FIGNL1: variants seen among roughly 807,000 people sequenced by gnomAD.
FIGNL1 encodes fidgetin-like protein 1.
Under a neutral mutation model 28.9 loss-of-function variants are expected in FIGNL1, and 11 were observed. The ratio of observed to expected loss-of-function variants is 0.38; its 90% confidence interval spans 0.24 to 0.63. The LOEUF is 0.63. Among genes scored for constraint, FIGNL1 ranks in the 20% least tolerant of loss-of-function variants. The pLI, the probability that FIGNL1 is intolerant of heterozygous loss-of-function variation, is 0.57. For missense variants in FIGNL1, 789 were observed against 810.4 expected, an observed-to-expected ratio of 0.97 and a Z score of 0.32; for synonymous variants, 295 against 276.5, an observed-to-expected ratio of 1.07 and a Z score of -0.66.
Position 50,445,322 on chromosome 7 carries a change from A to G in FIGNL1, c.1966T>C (p.Ser656Pro). The change falls in exon 4 of 4, where the codon TCT becomes CCT. Residue 656 changes from serine (S) to proline (P), a missense_variant. Ser to Pro is a moderately conservative substitution (Grantham distance 74). Transcript: ENST00000433017. ...NAFRTVRPSV[S>P]PKDLELYENW... is the part of the protein sequence containing the mutation. ...TCATAAAGCTCTAAATCTTTTGGAG[A>G]AACACTAGGTCGCACAGTTCTAAAA... 6.3e-7 allele frequency: 1 copy of G among 1,595,706 alleles called. No homozygotes were observed.
In FIGNL1 at chr7:50,445,953, A is replaced by C. The variant is rs1820678238; in HGVS notation, c.1335T>G (p.Thr445=). The C allele has an allele frequency of 2.5e-6, 4 of 1,614,038 alleles. No homozygotes were observed. In the Admixed American group the frequency reaches 6.7e-5, roughly 27 times the overall value. The change falls in exon 4 of 4, where the codon ACT becomes ACG. Residue 445 remains threonine (T), a synonymous_variant. Transcript: ENST00000433017. ...KGILLFGPPG[T]GKTLIGKCIA... ...TGCACTTGCCAATTAGAGTTTTACC[A>C]GTCCCAGGAGGACCAAAGAGCAAAA...
In FIGNL1 at chr7:50,446,242, C is replaced by T. The variant is rs374195874; in HGVS notation, c.1046G>A (p.Gly349Glu). ...KFVPPIPKQDGGEQNGGMQCK... is the reference protein window; with the variant it reads ...KFVPPIPKQDEGEQNGGMQCK... ...TTGCATTCCTCCATTCTGCTCTCCC[C>T]CATCTTGCTTGGGTATAGGAGGAAC... Residue 349 changes from glycine to glutamate, a missense_variant, in exon 4 of 4, where the codon GGG (glycine) becomes GAG (glutamate). Gly to Glu is a moderately conservative substitution (Grantham distance 98, BLOSUM62 -2). Transcript: ENST00000433017. 1.2e-6 allele frequency: 2 copies of T among 1,614,172 alleles called. No homozygotes were observed. Among genetic ancestry groups the T allele is most frequent in the Admixed American group, 3.3e-5 (2 of 60,020 alleles).
chr7:50,444,438 T>G lies in FIGNL1; in HGVS notation c.*825A>C, dbSNP rs561385863. On this transcript the variant is annotated 3_prime_UTR_variant, in exon 4 of 4. Transcript: ENST00000433017. ...GTATAAAACAAAACATCTGGAAGAA[T>G]CTATGCTTAAATATTAATAGTGTGT... 6.6e-6 allele frequency: 1 copy of G among 152,364 alleles called. No individual in the cohort carries two copies. The highest frequency in any genetic ancestry group is 2.4e-5 in the African/African-American group (1 of 41,596). 9.4% of individuals were successfully genotyped at this position (152,364 alleles called of 1,614,324 possible). A position where few individuals can be genotyped will look rare whatever the true frequency, so the allele number is the denominator to read the frequency against.
Position 50,446,897 on chromosome 7 carries a change from C to A in FIGNL1, c.391G>T (p.Glu131Ter), listed in dbSNP as rs199623907. Residue 131 changes from glutamate to a stop codon, truncating the protein, a stop_gained, in exon 4 of 4, where the codon GAA becomes TAA. Transcript: ENST00000433017. LOFTEE classifies it low-confidence loss of function (END_TRUNC). ...AGKKFKDSLL[E>*]PALASVVIHK... ...ATTACCACTGATGCAAGAGCAGGTT[C>A]CAACAGAGAGTCTTTGAATTTTTTG... The A allele has an allele frequency of 2.5e-6, 4 of 1,614,192 alleles. No homozygotes were observed. Among genetic ancestry groups the A allele is most frequent in the Non-Finnish European group, 8.5e-7 (1 of 1,180,036 alleles).
Position 50,446,157 on chromosome 7 carries a change from C to T in FIGNL1, c.1131G>A (p.Lys377=). 1 of 1,614,212 alleles carries T rather than the reference C, an allele frequency of 6.2e-7. No homozygotes were observed. The highest frequency in any genetic ancestry group is 1.1e-5 in the South Asian group (1 of 91,080). ...GTTCAATCATCTTTGGCTCCAAGTT[C>T]TTCAGACGCTCATCAACTGGATGTG... is the stretch of plus-strand genomic sequence containing the variant. ...EPAHPVDERL[K]NLEPKMIELI... The change falls in exon 4 of 4, where the codon AAG becomes AAA. Residue 377 remains lysine (K), a synonymous_variant. Coordinates refer to ENST00000433017, the MANE Select transcript of FIGNL1 (RefSeq NM_001287492.4).
Position 50,446,288 on chromosome 7 carries a change from G to C in FIGNL1, c.1000C>G (p.Arg334Gly), listed in dbSNP as rs763712899. 2 of 1,614,110 alleles carry C rather than the reference G, an allele frequency of 1.2e-6. No homozygotes were observed. Reference protein sequence around the residue: ...VKKSLGASRSRGILGKFVPPI... With the variant: ...VKKSLGASRSGGILGKFVPPI... Reference sequence around the variant, plus strand: ...GGAACAAACTTTCCAAGTATCCCTCGGGATCTACTAGCTCCTAGAGACTTT... The same window carrying C: ...GGAACAAACTTTCCAAGTATCCCTCCGGATCTACTAGCTCCTAGAGACTTT... The change falls in exon 4 of 4, where the codon CGA becomes GGA. Residue 334 changes from arginine to glycine, a missense_variant. Arg to Gly is a moderately radical substitution (Grantham distance 125). Coordinates refer to ENST00000433017, the MANE Select transcript of FIGNL1 (RefSeq NM_001287492.4).
At position 50,446,609 on chromosome 7, in the gene FIGNL1, C is replaced by T. The variant is rs765266283; in HGVS notation, c.679G>A (p.Glu227Lys). 29 of 1,614,032 alleles carry T rather than the reference C, an allele frequency of 1.8e-5. 1 individual carries two copies. In the East Asian group the frequency reaches 6.5e-4, roughly 36 times the overall value. The change falls in exon 4 of 4, where the codon GAA becomes AAA. Residue 227 changes from glutamate (E) to lysine (K), a missense_variant. Transcript: ENST00000433017. ...TTTTCTTTTGCAGAGCTGTGATTTT[C>T]CTTTTTGACATTTCCAAACAATGGT... is the stretch of plus-strand genomic sequence containing the variant. ...VTPLFGNVKK[E>K]NHSSAKENIG...
In FIGNL1 at chr7:50,445,857, C is replaced by G. The variant is rs757763469; in HGVS notation, c.1431G>C (p.Glu477Asp). The change falls in exon 4 of 4, where the codon GAG becomes GAC. Residue 477 changes from glutamate to aspartate, a missense_variant. Transcript: ENST00000433017. Reference protein sequence around the residue: ...ASSLTSKWVGEGEKMVRALFA... With the variant: ...ASSLTSKWVGDGEKMVRALFA... ...ACAATGCACGGACCATTTTCTCCCCCTCACCTACCCATTTAGAAGTTAAGG... is the reference window on the plus strand; with the variant it reads ...ACAATGCACGGACCATTTTCTCCCCGTCACCTACCCATTTAGAAGTTAAGG... 1.9e-6 allele frequency: 3 copies of G among 1,614,058 alleles called. No individual in the cohort carries two copies. The highest frequency in any genetic ancestry group is 2.5e-6 in the Non-Finnish European group (3 of 1,180,052).
At position 50,445,891 on chromosome 7, in the gene FIGNL1, G is replaced by C. The variant is rs192313152; in HGVS notation, c.1397C>G (p.Ser466Cys). ...CCATTTAGAAGTTAAGGATGAAGCA[G>C]AGATGCTAAAGAATGTTGCCCCAGA... ...SQSGATFFSI[S>C]ASSLTSKWVG... Residue 466 changes from serine to cysteine, a missense_variant, in exon 4 of 4, where the codon TCT (serine) becomes TGT (cysteine). By Grantham distance (112) the Ser-to-Cys change is moderately radical. Transcript: ENST00000433017. The C allele has an allele frequency of 5.6e-6, 9 of 1,614,128 alleles. No homozygotes were observed. In the East Asian group the frequency reaches 1.6e-4, roughly 28 times the overall value.
rs1420882979 is a variant in FIGNL1, at chr7:50,445,122, C to G, written c.*141G>C. ...TTACATTAACATACACTATGTCAATCAGATGTAAAATCTGTGCTATTATTT... is the reference window on the plus strand; with the variant it reads ...TTACATTAACATACACTATGTCAATGAGATGTAAAATCTGTGCTATTATTT... On this transcript the variant is annotated 3_prime_UTR_variant, in exon 4 of 4. Coordinates refer to ENST00000433017, the MANE Select transcript of FIGNL1 (RefSeq NM_001287492.4). 3.8e-6 allele frequency: 2 copies of G among 522,366 alleles called. No individual in the cohort carries two copies. Among genetic ancestry groups the G allele is most frequent in the African/African-American group, 4.0e-5 (2 of 50,580 alleles). The allele number at this position is 522,366 out of a possible 1,614,324, so 32.4% of individuals were successfully genotyped here.
Position 50,446,195 on chromosome 7 carries a change from G to GA in FIGNL1, c.1092_1093insT (p.Pro365SerfsTer9), listed in dbSNP as rs1562958393. ...TCAACTGGATGTGCTGGTTCTGTAG[G>GA]TCCTGCCCCATAAGGCTTACATTGC... is the stretch of plus-strand genomic sequence containing the variant. On this transcript the variant is annotated frameshift_variant, in exon 4 of 4. Coordinates refer to ENST00000433017, the MANE Select transcript of FIGNL1 (RefSeq NM_001287492.4). LOFTEE classifies it high-confidence loss of function. 1 of 1,614,154 alleles carries GA rather than the reference G, an allele frequency of 6.2e-7. No individual in the cohort carries two copies. The highest frequency in any genetic ancestry group is 2.2e-5 in the East Asian group (1 of 44,890).
At position 50,446,588 on chromosome 7, in the gene FIGNL1, C is replaced by T; in HGVS notation, c.700G>A (p.Glu234Lys). The stretch of plus-strand genomic sequence containing the variant: ...AAGAACACATTAAGTCCTATGTTTT[C>T]TTTTGCAGAGCTGTGATTTTCCTTT... ...VKKENHSSAK[E>K]NIGLNVFLSN... Residue 234 changes from glutamate to lysine, a missense_variant, in exon 4 of 4, where the codon GAA becomes AAA. Glu to Lys is a moderately conservative substitution (Grantham distance 56). Transcript: ENST00000433017. 1 of 1,614,084 alleles carries T rather than the reference C, an allele frequency of 6.2e-7. No homozygotes were observed. The highest frequency in any genetic ancestry group is 2.2e-5 in the East Asian group (1 of 44,884).
chr7:50,447,131 C>A lies in FIGNL1; in HGVS notation c.157G>T (p.Val53Phe). ...YAWANSEISQ[V>F]CATKLFKKYA... ...TTTTTGAACAGTTTGGTAGCACAGA[C>A]CTGGGAAATCTCAGAGTTTGCCCAT... The change falls in exon 4 of 4, where the codon GTC becomes TTC. Residue 53 changes from valine to phenylalanine, a missense_variant. Transcript: ENST00000433017. 6.2e-7 allele frequency: 1 copy of A among 1,614,200 alleles called. No homozygotes were observed. The highest frequency in any genetic ancestry group is 8.5e-7 in the Non-Finnish European group (1 of 1,180,048).
chr7:50,446,221 A>C lies in FIGNL1; in HGVS notation c.1067T>G (p.Met356Arg), dbSNP rs1820765253. ...TCCTGCCCCATAAGGCTTACATTGC[A>C]TTCCTCCATTCTGCTCTCCCCCATC... ...KQDGGEQNGG[M>R]QCKPYGAGPT... Residue 356 changes from methionine (M) to arginine (R), a missense_variant, in exon 4 of 4, where the codon ATG becomes AGG. Physicochemically the swap from Met to Arg is moderately conservative, Grantham distance 91 (BLOSUM62 -1). Coordinates refer to ENST00000433017, the MANE Select transcript of FIGNL1 (RefSeq NM_001287492.4). The C allele has an allele frequency of 6.2e-7, 1 of 1,614,150 alleles. No individual in the cohort carries two copies.
In FIGNL1 at chr7:50,445,783, A is replaced by G. The variant is rs202105913; in HGVS notation, c.1505T>C (p.Ile502Thr). Reference protein sequence around the residue: ...QQPAVIFIDEIDSLLSQRGDG... With the variant: ...QQPAVIFIDETDSLLSQRGDG... ...TCCCCGTTGAGATAACAAGGAATCA[A>G]TTTCGTCAATAAATATCACAGCTGG... Residue 502 changes from isoleucine (I) to threonine (T), a missense_variant, in exon 4 of 4, where the codon ATT (isoleucine) becomes ACT (threonine). Transcript: ENST00000433017. 3.7e-6 allele frequency: 6 copies of G among 1,614,230 alleles called. No individual in the cohort carries two copies. In the Admixed American group the frequency reaches 1.0e-4, roughly 27 times the overall value.
rs765142661 is a variant in FIGNL1 at position 50,446,224 on chromosome 7, C to T, written c.1064G>A (p.Gly355Glu). The change falls in exon 4 of 4, where the codon GGA (glycine) becomes GAA (glutamate). Residue 355 changes from glycine to glutamate, a missense_variant. Gly to Glu is a moderately conservative substitution (Grantham distance 98, BLOSUM62 -2). Transcript: ENST00000433017. ...TGCCCCATAAGGCTTACATTGCATTCCTCCATTCTGCTCTCCCCCATCTTG... is the reference window on the plus strand; with the variant it reads ...TGCCCCATAAGGCTTACATTGCATTTCTCCATTCTGCTCTCCCCCATCTTG... ...PKQDGGEQNG[G>E]MQCKPYGAGP... is the part of the protein sequence containing the mutation. 6.2e-7 allele frequency: 1 copy of T among 1,614,154 alleles called. No individual in the cohort carries two copies. The highest frequency in any genetic ancestry group is 1.7e-5 in the Admixed American group (1 of 60,018).
At position 50,446,254 on chromosome 7, in the gene FIGNL1, G is replaced by A. The variant is rs1820776670; in HGVS notation, c.1034C>T (p.Pro345Leu). The A allele has an allele frequency of 6.2e-7, 1 of 1,613,948 alleles. No homozygotes were observed. The highest frequency in any genetic ancestry group is 1.7e-5 in the Admixed American group (1 of 59,980). The change falls in exon 4 of 4, where the codon CCC becomes CTC. Residue 345 changes from proline (P) to leucine (L), a missense_variant. By Grantham distance (98) the Pro-to-Leu change is moderately conservative (BLOSUM62 -3). Transcript: ENST00000433017. Reference sequence around the variant, plus strand: ...ATTCTGCTCTCCCCCATCTTGCTTGGGTATAGGAGGAACAAACTTTCCAAG... The same window carrying A: ...ATTCTGCTCTCCCCCATCTTGCTTGAGTATAGGAGGAACAAACTTTCCAAG... ...GILGKFVPPIPKQDGGEQNGG... is the reference protein window; with the variant it reads ...GILGKFVPPILKQDGGEQNGG...
At position 50,446,789 on chromosome 7, in the gene FIGNL1, C is replaced by A; in HGVS notation, c.499G>T (p.Ala167Ser). 6.2e-7 allele frequency: 1 copy of A among 1,614,074 alleles called. No homozygotes were observed. Among genetic ancestry groups the A allele is most frequent in the South Asian group, 1.1e-5 (1 of 91,080 alleles). Reference protein sequence around the residue: ...SQESDSLPNSAHDRDRTQDFP... With the variant: ...SQESDSLPNSSHDRDRTQDFP... Reference sequence around the variant, plus strand: ...TCTTGGGTCCGGTCTCGATCATGAGCTGAGTTAGGTAATGAGTCACTCTCT... The same window carrying A: ...TCTTGGGTCCGGTCTCGATCATGAGATGAGTTAGGTAATGAGTCACTCTCT... Residue 167 changes from alanine to serine, a missense_variant, in exon 4 of 4, where the codon GCT (alanine) becomes TCT (serine). Physicochemically the swap from Ala to Ser is moderately conservative, Grantham distance 99 (BLOSUM62 1). Transcript: ENST00000433017.
At position 50,445,724 on chromosome 7, in the gene FIGNL1, T is replaced by C; in HGVS notation, c.1564A>G (p.Thr522Ala). The change falls in exon 4 of 4, where the codon ACA (threonine) becomes GCA (alanine). Residue 522 changes from threonine to alanine, a missense_variant. Coordinates refer to ENST00000433017, the MANE Select transcript of FIGNL1 (RefSeq NM_001287492.4). Reference protein sequence around the residue: ...GEHESSRRIKTEFLVQLDGAT... With the variant: ...GEHESSRRIKAEFLVQLDGAT... The stretch of plus-strand genomic sequence containing the variant: ...CCATCTAATTGAACTAAAAATTCTG[T>C]TTTTATCCTTCTAGAAGATTCATGC... 1.2e-6 allele frequency: 2 copies of C among 1,614,188 alleles called. No homozygotes were observed. The highest frequency in any genetic ancestry group is 1.1e-5 in the South Asian group (1 of 91,082).
Sources: allele counts gnomAD v4.1 joint callset, GRCh38; gene constraint gnomAD v4.1.1; transcripts MANE v1.5; gene names NCBI Gene and HGNC (gene_info 2026-07-23, HGNC 2026-07-21).